The following SLC6A7 variants were observed in gnomAD, a reference collection of about 807,000 sequenced individuals.
SLC6A7 encodes the protein solute carrier family 6 member 7, also known as sodium-dependent proline transporter.
In SLC6A7, 58 loss-of-function variants were observed where a neutral mutation model predicts 73.1. The ratio of observed to expected loss-of-function variants is 0.79; its 90% CI spans 0.64 to 0.99. The LOEUF (loss-of-function observed/expected upper bound fraction) is 0.99. Among genes scored for constraint, SLC6A7 ranks in the 50% least tolerant of loss-of-function variants. The probability of loss-of-function intolerance (pLI) is 0.00; values close to 1 mark genes in which losing one functional copy is unlikely to be tolerated. For missense variants in SLC6A7, 783 were observed against 831.4 expected, an observed-to-expected ratio of 0.94 and a Z score of 0.72; for synonymous variants, 338 against 338.7, an observed-to-expected ratio of 1.00 and a Z score of 0.02.
At position 150,209,650 on chromosome 5, in the gene SLC6A7, G is replaced by C. The variant is rs10078509; in HGVS notation, c.*35G>C. The C allele has an allele frequency of 0.11, 159,493 of 1,495,702 alleles. 9,494 individuals carry two copies. Among genetic ancestry groups the C allele is most frequent in the African/African-American group, 0.23 (16,667 of 72,468 alleles). 92.7% of individuals were successfully genotyped at this position (1,495,702 alleles called of 1,614,324 possible). A position where few individuals can be genotyped will look rare whatever the true frequency, so the allele number is the denominator to read the frequency against. On this transcript the variant is annotated 3_prime_UTR_variant, in exon 14 of 14. Coordinates refer to ENST00000230671, the MANE Select transcript of SLC6A7 (RefSeq NM_014228.5). ...CAGGCGGGCAGAAGGCCCTGCCCGG[G>C]ACCTCACAGTCCCTTCTTAGAAGCC...
intron 8 of SLC6A7, 116 bp downstream of exon 8, chr5:150,202,819 G>T: frequency 1.7e-6 from 2 of 1,177,980 alleles, no homozygotes; most frequent in Non-Finnish European, 2.4e-6. Flanking sequence ...TCATGCCTGT[G>T]ATCCCAGCAC....
intron 1 of SLC6A7, among the ~76,000 whole-genome samples, chr5:150,190,650 G>A (rs1202333141): frequency 2.6e-5 from 4 of 152,168 alleles, no homozygotes; most frequent in South Asian, 4.1e-4. Context: ...AGGGGCGGCC[G>A]GGGCCAGGCA....
At chr5:150,201,014 C>T in intron 5 of SLC6A7, 75 bp from the exon 6 acceptor site, 3 of 1,535,656 alleles carry the variant, frequency 2.0e-6, no homozygotes, top group East Asian at 2.3e-5. Context: ...AGGCAAGTGA[C>T]ACAGATGAGT....
chr5:150,196,510 CA>C (rs1753027563), intron 2 of SLC6A7, among the ~76,000 whole-genome samples: 1 of 152,266 alleles, frequency 6.6e-6, no homozygotes, highest in Non-Finnish European at 1.5e-5. Flanking sequence ...CTGAGCCCAG[CA>C]CTGTTCTGGG....
At chr5:150,199,431 A>G in intron 5 of SLC6A7, 65 bp downstream of exon 5, 3 of 1,216,948 alleles carry the variant, frequency 2.5e-6, no homozygotes, top group Admixed American at 1.8e-5. Context: ...TGGAGAAGGC[A>G]GGGCTTGGAC....
rs781530982 is a variant in SLC6A7, at chr5:150,197,160, C to T, written c.468C>T (p.His156=). Residue 156 remains histidine (H), a synonymous_variant, in exon 4 of 14, where the codon CAC becomes CAT. Transcript: ENST00000230671. ...TCACCAGCGACCTACCCTGGGAGCA[C>T]TGTGGCAACTGGTGGAACACAGAAC... ...ASLTSDLPWE[H]CGNWWNTELC... 37 of 1,614,112 alleles carry T rather than the reference C, an allele frequency of 2.3e-5. No homozygotes were observed. Among genetic ancestry groups the T allele is most frequent in the Non-Finnish European group, 3.1e-5 (37 of 1,180,018 alleles).
At chr5:150,209,375 T>G (rs1042384919) in intron 13 of SLC6A7, 31 bp from the exon 14 acceptor site, 3 of 1,593,476 alleles carry the variant, frequency 1.9e-6, no homozygotes, top group Non-Finnish European at 1.7e-6. Flanking sequence ...GCCTGTTTCC[T>G]GTTTTCACTG....
At chr5:150,196,323 A>T (rs1198491791) in intron 2 of SLC6A7, among the ~76,000 whole-genome samples, 1 of 152,222 alleles carries the variant, frequency 6.6e-6, no homozygotes, top group Non-Finnish European at 1.5e-5. Flanking sequence ...CACAGGTGGC[A>T]GTCACAAGTG....
At chr5:150,201,062 A>T (rs1199657531) in intron 5 of SLC6A7, 27 bp from the exon 6 acceptor site, 1 of 1,612,456 alleles carries the variant, frequency 6.2e-7, no homozygotes, top group Admixed American at 1.7e-5. Context: ...CCCCGATGCC[A>T]TCAGCTCCTC....
chr5:150,203,886 C>G (rs187765008), intron 9 of SLC6A7, 21 bp from the exon 10 acceptor site: 2 of 1,609,484 alleles, frequency 1.2e-6, no homozygotes, highest in Non-Finnish European at 8.5e-7. Context: ...TTCTGACCCC[C>G]AGCCCCTCCT....
At chr5:150,207,026 C>T (rs573874964) in intron 13 of SLC6A7, among the ~76,000 whole-genome samples, 1 of 152,356 alleles carries the variant, frequency 6.6e-6, no homozygotes, top group South Asian at 2.1e-4. Context: ...GCTTCAGAGG[C>T]CAGGGCTTCC....
intron 13 of SLC6A7, 60 bp from the exon 14 acceptor site, chr5:150,209,346 T>C: frequency 7.1e-7 from 1 of 1,411,416 alleles, no homozygotes; most frequent in South Asian, 1.2e-5. Flanking sequence ...CTGGCCACAG[T>C]GAACCCTCCA....
chr5:150,196,103 C>T (rs1038876068), intron 2 of SLC6A7, among the ~76,000 whole-genome samples: 6 of 152,294 alleles, frequency 3.9e-5, no homozygotes, highest in Non-Finnish European at 7.4e-5. Flanking sequence ...TAGGTGCCCA[C>T]GGGGGAAGGA....
chr5:150,196,651 G>A (rs1480342422), intron 2 of SLC6A7, 65 bp from the exon 3 acceptor site: 2 of 1,535,072 alleles, frequency 1.3e-6, no homozygotes, highest in Non-Finnish European at 1.8e-6. Flanking sequence ...GGAGGGGCGG[G>A]GCTAGAGCTG....
chr5:150,204,807 TCCTCC>T lies in SLC6A7; in HGVS notation c.1433-11_1433-7del. The T allele has an allele frequency of 1.9e-6, 3 of 1,563,614 alleles. No homozygotes were observed. Among genetic ancestry groups the T allele is most frequent in the Non-Finnish European group, 2.6e-6 (3 of 1,134,804 alleles). On this transcript the variant is annotated splice_polypyrimidine_tract_variant and intron_variant, in intron 11 of 13. Transcript: ENST00000230671. ...TGGGGCCGGCGGGTGGGGCCATTCC[TCCTCC>T]CCTCCCCTGTGCAGGCATTCAGAGG...
rs967622597 is a variant in SLC6A7, at chr5:150,209,266, C to A, written c.1702-140C>A. On this transcript the variant is annotated intron_variant, in intron 13 of 13. Coordinates refer to ENST00000230671, the MANE Select transcript of SLC6A7 (RefSeq NM_014228.5). ...CCCTCCCCTGGGGAAGTCATAGTGC[C>A]CCCCACTTCCCCGCCAGGGGGCTGT... 9 of 699,200 alleles carry A rather than the reference C, an allele frequency of 1.3e-5. No homozygotes were observed. The African/African-American group carries it at 1.4e-4, about 11-fold the overall frequency. 43.3% of individuals were successfully genotyped at this position (699,200 alleles called of 1,614,324 possible). A position where few individuals can be genotyped will look rare whatever the true frequency, so the allele number is the denominator to read the frequency against.
At chr5:150,208,326 C>A (rs1562105037) in intron 13 of SLC6A7, among the ~76,000 whole-genome samples, 1 of 152,106 alleles carries the variant, frequency 6.6e-6, no homozygotes, top group South Asian at 2.1e-4. Context: ...AGGGTAAGAG[C>A]ATTCCAGGCA....
chr5:150,208,115 C>G (rs1162646355), intron 13 of SLC6A7, among the ~76,000 whole-genome samples: 1 of 151,924 alleles, frequency 6.6e-6, no homozygotes, highest in Non-Finnish European at 1.5e-5. Context: ...GGAAACAAAC[C>G]TAAGTCCTTG....
intron 10 of SLC6A7, 103 bp from the exon 11 acceptor site, chr5:150,204,429 G>A: frequency 1.1e-6 from 1 of 891,718 alleles, no homozygotes; most frequent in Non-Finnish European, 1.9e-6. Context: ...GTCATCTTGT[G>A]CTGTCAGCAT....
Sources: allele counts gnomAD v4.1 joint callset (sites outside exome capture counted in the v4.1 genomes callset), GRCh38; gene constraint gnomAD v4.1.1; transcripts MANE v1.5; gene names NCBI Gene and HGNC (gene_info 2026-07-23, HGNC 2026-07-21).